Variants in NKD2 observed in about 807,000 individuals in gnomAD.
NKD2 encodes the protein protein naked cuticle homolog 2.
NKD2 carries 43 observed loss-of-function variants against 34.8 expected under a neutral mutation model. The ratio of observed to expected loss-of-function variants is 1.24; its 90% confidence interval spans 0.97 to 1.60. NKD2 has a LOEUF of 1.60. Ranked by LOEUF, NKD2 falls within the 40% of genes most tolerant of loss-of-function variation. The probability of loss-of-function intolerance (pLI) is 0.00; values close to 1 mark genes in which losing one functional copy is unlikely to be tolerated. For missense variants in NKD2, 675 were observed against 627.1 expected (o/e 1.08, Z -0.82); for synonymous variants, 278 against 265.1 (o/e 1.05, Z -0.47).
intron 3 of NKD2, among the ~76,000 whole-genome samples, chr5:1,010,749 G>A (rs1755721366): frequency 6.6e-6 from 1 of 152,190 alleles, no homozygotes; most frequent in Non-Finnish European, 1.5e-5. Flanking sequence ...AGTGGATGGT[G>A]CCACTTAGCA....
chr5:1,021,533 G>A (rs1756186210), intron 3 of NKD2, among the ~76,000 whole-genome samples: 1 of 151,414 alleles, frequency 6.6e-6, no homozygotes, highest in Non-Finnish European at 1.5e-5. Flanking sequence ...GCACAGTGTT[G>A]CTGTAGCCTT....
At chr5:1,034,628 C>T in intron 6 of NKD2, 128 bp from the exon 7 acceptor site, 1 of 1,039,190 alleles carries the variant, frequency 9.6e-7, no homozygotes. Flanking sequence ...TGTGTTGGTT[C>T]CTGTGGTCTG....
At position 1,038,604 on chromosome 5, in the gene NKD2, T is replaced by C; in HGVS notation, c.*231T>C. 1.3e-6 allele frequency: 1 copy of C among 795,108 alleles called. No individual in the cohort carries two copies. The highest frequency in any genetic ancestry group is 1.6e-5 in the South Asian group (1 of 64,342). The allele number at this position is 795,108 out of a possible 1,614,324, so 49.3% of individuals were successfully genotyped here. On this transcript the variant is annotated 3_prime_UTR_variant, in exon 10 of 10. Transcript: ENST00000296849. The surrounding 1 kb of genome is among the most constrained non-coding windows in gnomAD (Gnocchi z 4.5). ...TTCTGCCCTCGATGCCACATGGCGG[T>C]GAACACATCTGAAGCCACTATGTTT...
chr5:1,026,731 C>T lies in NKD2; in HGVS notation c.142-5421C>T, dbSNP rs550246006. ...TCCCCTCCCTGAGCCACCTGCCAGG[C>T]ACTCACTTCATTCTACCACGTCCAG... On this transcript the variant is annotated intron_variant, in intron 3 of 9. Transcript: ENST00000296849. Among the ~76,000 whole-genome samples the T allele has an allele frequency of 6.6e-5, 10 of 152,388 alleles. No individual in the cohort carries two copies. The South Asian group carries it at 2.1e-3, about 32-fold the overall frequency.
chr5:1,037,425 C>T, intron 9 of NKD2: 1 of 1,175,848 alleles, frequency 8.5e-7, no homozygotes, highest in East Asian at 2.6e-5. Flanking sequence ...CTGAGTCCTT[C>T]TCAAATCTAT....
rs777711703 is a variant in NKD2, at chr5:1,038,783, G to A, written c.*410G>A. On this transcript the variant is annotated 3_prime_UTR_variant, in exon 10 of 10. Transcript: ENST00000296849. The surrounding 1 kb of genome is among the most constrained non-coding windows in gnomAD (Gnocchi z 4.5). ...CTGTAGGCTGTCCCAGTGCGAGGCC[G>A]GGAGCGAATGGAAAAGCTGAGGCTT... is the stretch of plus-strand genomic sequence containing the variant. The A allele has an allele frequency of 1.0e-4, 40 of 398,804 alleles. No individual in the cohort carries two copies. Among genetic ancestry groups the A allele is most frequent in the South Asian group, 5.1e-4 (19 of 37,118 alleles). 24.7% of individuals were successfully genotyped at this position (398,804 alleles called of 1,614,324 possible). A position where few individuals can be genotyped will look rare whatever the true frequency, so the allele number is the denominator to read the frequency against.
At chr5:1,026,970 G>T (rs148982054) in intron 3 of NKD2, among the ~76,000 whole-genome samples, 1 of 152,364 alleles carries the variant, frequency 6.6e-6, no homozygotes, top group Admixed American at 6.5e-5. Context: ...AATTCTGGCA[G>T]CCTTGGGCCT....
chr5:1,009,189 C>T lies in NKD2; in HGVS notation c.36C>T (p.Ala12=). 1 of 564,530 alleles carries T rather than the reference C, an allele frequency of 1.8e-6. No individual in the cohort carries two copies. 35.0% of individuals were successfully genotyped at this position (564,530 alleles called of 1,614,324 possible). The change falls in exon 2 of 10, where the codon GCC becomes GCT. Residue 12 remains alanine, a synonymous_variant. Coordinates refer to ENST00000296849, the MANE Select transcript of NKD2 (RefSeq NM_033120.4). The surrounding 1 kb of genome is among the most constrained non-coding windows in gnomAD (Gnocchi z 6.9). ...GKLQSKHAAA[A]RKRRESPEGD... ...CCCGCCGTGCCGCAGCCGCCGCCGC[C>T]CGCAAGCGGAGAGAGAGCCCGGAAG...
At chr5:1,019,073 C>G (rs893119782) in intron 3 of NKD2, among the ~76,000 whole-genome samples, 4 of 152,192 alleles carry the variant, frequency 2.6e-5, no homozygotes, top group Admixed American at 2.6e-4. Flanking sequence ...CCCGCTATCC[C>G]TGTGGCGGGG....
intron 5 of NKD2, 54 bp from the exon 6 acceptor site, chr5:1,034,181 G>T: frequency 1.6e-6 from 2 of 1,271,150 alleles, no homozygotes; most frequent in Non-Finnish European, 2.3e-6. Flanking sequence ...CTGTGGAGTT[G>T]GGCGTGTTGG....
At chr5:1,022,142 G>T (rs993336928) in intron 3 of NKD2, among the ~76,000 whole-genome samples, 1 of 151,828 alleles carries the variant, frequency 6.6e-6, no homozygotes, top group Non-Finnish European at 1.5e-5. Flanking sequence ...AGCCAGTGGC[G>T]CTGTCCCTGT....
Position 1,009,642 on chromosome 5 carries a change from C to A in NKD2, c.141+82C>A. The A allele has an allele frequency of 5.1e-6, 6 of 1,177,746 alleles. No individual in the cohort carries two copies. In the South Asian group the frequency reaches 1.1e-4, roughly 22 times the overall value. The allele number at this position is 1,177,746 out of a possible 1,614,324, so 73.0% of individuals were successfully genotyped here. A position where few individuals can be genotyped will look rare whatever the true frequency, so the allele number is the denominator to read the frequency against. On this transcript the variant is annotated intron_variant, in intron 3 of 9. Transcript: ENST00000296849. The surrounding 1 kb of genome is among the most constrained non-coding windows in gnomAD (Gnocchi z 6.9). ...CGGTGTCAGAGCTGTTCCTGGTGCC[C>A]GCCCGCGGACAGGCGAGACGTGGGC...
intron 9 of NKD2, chr5:1,036,890 GGGCAGTGTGGATGGCAGCCA>G (rs1468475690): frequency 1.1e-5 from 5 of 440,450 alleles, no homozygotes; most frequent in Admixed American, 2.4e-5. Context: ...TGTGGATGGC[GGGCAGTGTGGATGGCAGCCA>G]GGCAGTGTGG....
intron 3 of NKD2, among the ~76,000 whole-genome samples, chr5:1,014,128 T>C (rs1755857373): frequency 6.6e-6 from 1 of 152,238 alleles, no homozygotes; most frequent in Non-Finnish European, 1.5e-5. Flanking sequence ...CACCCTGTTC[T>C]CCTCAGTGGG....
At position 1,008,957 on chromosome 5, in the gene NKD2, A is replaced by G. The variant is rs1755633012; in HGVS notation, c.-101A>G. ...TTCCCTCACCTCCTACCGGCACCCT[A>G]GCTTGCTCCCGGCCCATGCGGCCCC... On this transcript the variant is annotated 5_prime_UTR_variant, in exon 1 of 10. Coordinates refer to ENST00000296849, the MANE Select transcript of NKD2 (RefSeq NM_033120.4). 7.4e-6 allele frequency: 3 copies of G among 405,306 alleles called. No homozygotes were observed. Among genetic ancestry groups the G allele is most frequent in the Non-Finnish European group, 1.3e-5 (3 of 231,014 alleles). The allele number at this position is 405,306 out of a possible 1,614,324, so 25.1% of individuals were successfully genotyped here.
In NKD2 at chr5:1,038,145, A is replaced by G. The variant is rs1427356723; in HGVS notation, c.1128A>G (p.Pro376=). 3 of 1,584,412 alleles carry G rather than the reference A, an allele frequency of 1.9e-6. No individual in the cohort carries two copies. Among genetic ancestry groups the G allele is most frequent in the Admixed American group, 3.5e-5 (2 of 56,874 alleles). The change falls in exon 10 of 10, where the codon CCA becomes CCG. Residue 376 remains proline, a synonymous_variant. Transcript: ENST00000296849. The surrounding 1 kb of genome is among the most constrained non-coding windows in gnomAD (Gnocchi z 4.5). ...ACGGCCACCACCTCCCGCAGCCCCC[A>G]CCGCCACCCTACGGCCACAAGCGGT... ...PQDGHHLPQP[P]PPPYGHKRYR... is the part of the protein sequence containing the mutation.
At chr5:1,014,699 C>T (rs956635160) in intron 3 of NKD2, among the ~76,000 whole-genome samples, 31 of 152,182 alleles carry the variant, frequency 2.0e-4, no homozygotes, top group East Asian at 7.7e-4. Context: ...GTTGGGGGTT[C>T]GGCTCTTTCT....
At chr5:1,026,956 C>T (rs1248731626) in intron 3 of NKD2, among the ~76,000 whole-genome samples, 1 of 152,232 alleles carries the variant, frequency 6.6e-6, no homozygotes, top group Non-Finnish European at 1.5e-5. Context: ...CACGACAGCC[C>T]CGTAATTCTG....
intron 4 of NKD2, among the ~76,000 whole-genome samples, chr5:1,032,706 C>T (rs558074799): frequency 2.0e-5 from 3 of 152,190 alleles, no homozygotes; most frequent in South Asian, 2.1e-4. Flanking sequence ...GGGCCACCTT[C>T]GGATGGCTGC....
Sources: gnomAD v4.1 joint callset for allele counts (sites outside exome capture counted in the v4.1 genomes callset) on GRCh38, gnomAD v4.1.1 for gene constraint, Gnocchi (gnomAD v3.1) non-coding constraint, MANE v1.5 for transcripts, NCBI Gene and HGNC (gene_info 2026-07-23, HGNC 2026-07-21) for gene names.